The following ADD3 variants were observed in gnomAD, a reference collection of about 807,000 sequenced individuals.
ADD3 encodes the protein gamma-adducin.
Under a neutral mutation model 80.2 loss-of-function variants are expected in ADD3, and 25 were observed. The observed-to-expected ratio is 0.31, with a 90% confidence interval of 0.23 to 0.44. The LOEUF (loss-of-function observed/expected upper bound fraction) is 0.44, where lower values mean the gene tolerates loss of function less well. ADD3 is among the 20% of genes least tolerant of loss of function. The pLI, the probability that ADD3 is intolerant of heterozygous loss-of-function variation, is 1.00. For synonymous variants in ADD3, 284 were observed against 289.6 expected, an observed-to-expected ratio of 0.98 and a Z score of 0.20; for missense variants, 829 against 847.5, an observed-to-expected ratio of 0.98 and a Z score of 0.27.
At chr10:110,129,380 C>G (rs371961578) in intron 12 of ADD3, among the ~76,000 whole-genome samples, 3 of 151,968 alleles carry the variant, frequency 2.0e-5, no homozygotes, top group Non-Finnish European at 4.4e-5. Flanking sequence ...AACTCTGGAC[C>G]TCAGGTGATC....
rs774612012 is a variant in ADD3 at position 110,119,360 on chromosome 10, T to C, written c.861+6T>C. 1.2e-6 allele frequency: 2 copies of C among 1,613,940 alleles called. No homozygotes were observed. The highest frequency in any genetic ancestry group is 1.7e-6 in the Non-Finnish European group (2 of 1,179,886). On this transcript the variant is annotated splice_donor_region_variant and intron_variant, in intron 7 of 14. Coordinates refer to ENST00000356080, the MANE Select transcript of ADD3 (RefSeq NM_016824.5). ...TTCTGGGACCAAGTTGTAAGGTATG[T>C]AGTAGAGTTTGTCTAAGGAGCTATT...
chr10:110,070,810 A>C (rs560982420), intron 1 of ADD3, among the ~76,000 whole-genome samples: 3 of 152,024 alleles, frequency 2.0e-5, no homozygotes, highest in Non-Finnish European at 4.4e-5. Flanking sequence ...CTTACTTATC[A>C]TATCTGAGGA....
intron 1 of ADD3, among the ~76,000 whole-genome samples, chr10:110,041,941 A>C (rs908036885): frequency 6.6e-6 from 1 of 152,156 alleles, no homozygotes; most frequent in Non-Finnish European, 1.5e-5. Flanking sequence ...TATGTGGATA[A>C]TTTTTTTATA....
intron 14 of ADD3, among the ~76,000 whole-genome samples, chr10:110,133,078 T>A (rs1358694848): frequency 6.6e-6 from 1 of 152,216 alleles, no homozygotes; most frequent in African/African-American, 2.4e-5. Flanking sequence ...ACAATGAAAC[T>A]GTTATTTCAT....
chr10:110,112,342 A>G (rs1850145748), intron 2 of ADD3: 2 of 153,326 alleles, frequency 1.3e-5, no homozygotes, highest in African/African-American at 4.8e-5. Context: ...CTGGTCTCCA[A>G]CTCCCCACCT....
intron 1 of ADD3, among the ~76,000 whole-genome samples, chr10:110,068,468 A>G (rs1218017141): frequency 6.6e-6 from 1 of 152,230 alleles, no homozygotes; most frequent in Non-Finnish European, 1.5e-5. Context: ...AGATGATTCA[A>G]AGTATTCAGG....
intron 13 of ADD3, among the ~76,000 whole-genome samples, chr10:110,131,106 A>G (rs1203493325): frequency 6.6e-6 from 1 of 152,194 alleles, no homozygotes; most frequent in African/African-American, 2.4e-5. Context: ...TCAAGGTGCC[A>G]ACATTGTCAC....
chr10:110,043,399 A>G (rs917867511), intron 1 of ADD3, among the ~76,000 whole-genome samples: 1 of 152,028 alleles, frequency 6.6e-6, no homozygotes, highest in East Asian at 1.9e-4. Flanking sequence ...CGAAAGTTGC[A>G]TTTGGATGTT....
chr10:110,118,552 A>G (rs1851069482), intron 5 of ADD3, 35 bp from the exon 6 acceptor site: 2 of 1,590,116 alleles, frequency 1.3e-6, no homozygotes, highest in South Asian at 2.2e-5. Context: ...TGATACGTAT[A>G]TACCAGTTAA....
chr10:110,023,889 C>T (rs1025864705), intron 1 of ADD3, among the ~76,000 whole-genome samples: 1 of 152,264 alleles, frequency 6.6e-6, no homozygotes, highest in Middle Eastern at 3.4e-3. Flanking sequence ...TTGTGCATTG[C>T]ATTATCCCAA....
At chr10:110,008,338 C>T (rs1851878729) in intron 1 of ADD3, 39 bp downstream of exon 1, 1 of 152,334 alleles carries the variant, frequency 6.6e-6, no homozygotes. Context: ...CGTCCCGCCT[C>T]TCTTCCGGGC....
chr10:110,066,522 C>G (rs915728773), intron 1 of ADD3, among the ~76,000 whole-genome samples: 6 of 152,106 alleles, frequency 3.9e-5, no homozygotes, highest in African/African-American at 1.4e-4. Context: ...TGTGAGCCAC[C>G]GTGCCTGGCC....
At chr10:110,093,082 C>T (rs190586730) in intron 1 of ADD3, among the ~76,000 whole-genome samples, 52 of 152,344 alleles carry the variant, frequency 3.4e-4, no homozygotes, top group African/African-American at 1.2e-3. Context: ...TGGTCTCCAA[C>T]TCCTGACCTC....
At chr10:110,061,591 A>G (rs1178209638) in intron 1 of ADD3, among the ~76,000 whole-genome samples, 2 of 152,168 alleles carry the variant, frequency 1.3e-5, no homozygotes, top group South Asian at 2.1e-4. Flanking sequence ...AGAGGAAGGA[A>G]TATCCATTTG....
intron 1 of ADD3, among the ~76,000 whole-genome samples, chr10:110,047,269 C>T (rs764640352): frequency 5.9e-5 from 9 of 152,076 alleles, no homozygotes; most frequent in Non-Finnish European, 8.8e-5. Flanking sequence ...GTAGATTTGC[C>T]GACTTAACAC....
intron 1 of ADD3, among the ~76,000 whole-genome samples, chr10:110,044,346 C>A (rs1358983403): frequency 1.3e-5 from 2 of 152,154 alleles, no homozygotes; most frequent in Admixed American, 6.5e-5. Flanking sequence ...GCCTATTAGA[C>A]CATTGGCTCC....
intron 2 of ADD3, among the ~76,000 whole-genome samples, chr10:110,111,913 CA>C (rs58821402): frequency 0.15 from 21,416 of 141,394 alleles, 4,924 homozygotes; most frequent in African/African-American, 0.5. Context: ...AACTCTGTCT[CA>C]AAAAAAAAAG....
chr10:110,067,424 C>T (rs143296636), intron 1 of ADD3, among the ~76,000 whole-genome samples: 1,735 of 152,228 alleles, frequency 0.011, 27 homozygotes, highest in African/African-American at 0.036. Context: ...TTCTTCCCTC[C>T]ACCTCCCCTT....
chr10:110,037,673 A>G (rs900262615), intron 1 of ADD3, among the ~76,000 whole-genome samples: 8 of 152,104 alleles, frequency 5.3e-5, no homozygotes, highest in Non-Finnish European at 5.9e-5. Flanking sequence ...GTGATTTTAA[A>G]TTTAAAGGAC....
Sources: allele counts gnomAD v4.1 joint callset (sites outside exome capture counted in the v4.1 genomes callset), GRCh38; gene constraint gnomAD v4.1.1; transcripts MANE v1.5; gene names NCBI Gene and HGNC (gene_info 2026-07-23, HGNC 2026-07-21).